RORC: variants seen among roughly 807,000 people sequenced by gnomAD.
RORC encodes the protein nuclear receptor ROR-gamma.
In RORC, 13 loss-of-function variants were observed where a neutral mutation model predicts 64.5. The observed-to-expected ratio is 0.20, with a 90% CI of 0.13 to 0.32. The LOEUF is 0.32. Ranked by LOEUF, RORC falls within the 10% of genes least tolerant of loss-of-function variation. The pLI, the probability that RORC is intolerant of heterozygous loss-of-function variation, is 1.00. For missense variants in RORC, 468 were observed against 669.5 expected (o/e 0.70, Z 3.32); for synonymous variants, 277 against 259.3 (o/e 1.07, Z -0.65).
intron 2 of RORC, among the ~76,000 whole-genome samples, chr1:151,817,634 C>T (rs1057353109): frequency 6.6e-5 from 10 of 152,118 alleles, no homozygotes; most frequent in Non-Finnish European, 1.3e-4. Flanking sequence ...GGACTCCTCA[C>T]GGCCTCACAA....
At chr1:151,826,078 C>G in intron 2 of RORC, 5 of 1,490,122 alleles carry the variant, frequency 3.4e-6, no homozygotes, top group Non-Finnish European at 4.4e-6. Flanking sequence ...CTAGCTCTCT[C>G]CCCCAGTGCT....
At chr1:151,810,816 A>G (rs568418136) in intron 10 of RORC, among the ~76,000 whole-genome samples, 1 of 152,242 alleles carries the variant, frequency 6.6e-6, no homozygotes, top group East Asian at 1.9e-4. Flanking sequence ...TACAGGCGTG[A>G]GCCACTGTGC....
rs1651375490 is a variant in RORC, at chr1:151,807,881, T to C, written c.1396-248A>G. ...AGCCCTCAATTTATGTTCCCAATACTTCTAGAATGAACCTTGTCAAAGACT... is the reference window on the plus strand; with the variant it reads ...AGCCCTCAATTTATGTTCCCAATACCTCTAGAATGAACCTTGTCAAAGACT... On this transcript the variant is annotated intron_variant, in intron 10 of 10. Transcript: ENST00000318247. The surrounding 1 kb of genome is among the most constrained non-coding windows in gnomAD (Gnocchi z 5.0). Among the ~76,000 whole-genome samples the C allele has an allele frequency of 6.6e-6, 1 of 152,208 alleles. No homozygotes were observed. The highest frequency in any genetic ancestry group is 2.1e-4 in the South Asian group (1 of 4,822).
chr1:151,828,240 G>A (rs1286598348), intron 2 of RORC, among the ~76,000 whole-genome samples: 1 of 152,176 alleles, frequency 6.6e-6, no homozygotes, highest in African/African-American at 2.4e-5. Context: ...GAGCTCTCAG[G>A]AGGAACTGGC....
At position 151,816,757 on chromosome 1, in the gene RORC, G is replaced by C. The variant is rs777497402; in HGVS notation, c.205C>G (p.Arg69Gly). 6.3e-7 allele frequency: 1 copy of C among 1,589,246 alleles called. No individual in the cohort carries two copies. The highest frequency in any genetic ancestry group is 1.1e-5 in the South Asian group (1 of 87,536). ...CGGTCGATGGGGCAGTTCTGCTGAC[G>C]GGTGCAGGAGTAGGCCGCGTTACAG... ...QRCNAAYSCT[R>G]QQNCPIDRTS... The change falls in exon 4 of 11, where the codon CGT becomes GGT. Residue 69 changes from arginine to glycine, a missense_variant. Around this residue, in one of 5 missense-constraint regions of RORC, gnomAD observed 241 missense variants for 295.5 expected, o/e 0.82. Transcript: ENST00000318247.
intron 10 of RORC, among the ~76,000 whole-genome samples, chr1:151,810,284 C>G (rs988360943): frequency 6.6e-6 from 1 of 152,100 alleles, no homozygotes; most frequent in Admixed American, 6.6e-5. Flanking sequence ...GCCCCACCCC[C>G]ATGAATGCCT....
chr1:151,817,111 A>G (rs1475010946), intron 3 of RORC, 84 bp downstream of exon 3: 1 of 151,272 alleles, frequency 6.6e-6, no homozygotes, highest in African/African-American at 5.1e-5. Flanking sequence ...CTAAGGAGAC[A>G]CTGTGTGTGT....
intron 4 of RORC, 35 bp downstream of exon 4, chr1:151,816,629 A>C (rs201003278): frequency 6.3e-6 from 10 of 1,580,338 alleles, no homozygotes; most frequent in Non-Finnish European, 7.7e-6. Flanking sequence ...TGGAGACACC[A>C]GGAAAACCCC....
chr1:151,824,421 G>A lies in RORC; in HGVS notation c.70+5008C>T, dbSNP rs115042048. Among the ~76,000 whole-genome samples the A allele has an allele frequency of 5.0e-3, 764 of 152,280 alleles. 6 individuals carry two copies. Among genetic ancestry groups the A allele is most frequent in the African/African-American group, 0.018 (738 of 41,536 alleles). ...AGTCATTTCATCCCAGGGTTGATTT[G>A]CTCATTAGGGGCCATCTCTGGGAAG... On this transcript the variant is annotated intron_variant, in intron 2 of 10. Transcript: ENST00000318247.
intron 2 of RORC, among the ~76,000 whole-genome samples, chr1:151,823,450 A>G (rs951105205): frequency 1.3e-5 from 2 of 152,142 alleles, no homozygotes; most frequent in African/African-American, 2.4e-5. Flanking sequence ...TGACAGCAGC[A>G]GGTCGGATGG....
chr1:151,818,677 G>A (rs891337503), intron 2 of RORC, among the ~76,000 whole-genome samples: 3 of 152,200 alleles, frequency 2.0e-5, no homozygotes, highest in Admixed American at 6.5e-5. Context: ...GCCCTGGGGC[G>A]GGACAGGCCA....
intron 3 of RORC, 145 bp from the exon 4 acceptor site, chr1:151,816,950 G>A: frequency 1.0e-6 from 1 of 977,676 alleles, no homozygotes; most frequent in South Asian, 1.9e-5. Context: ...TTGTGTAATT[G>A]CAATTTATCC....
At chr1:151,829,897 A>C (rs1330803770) in intron 1 of RORC, among the ~76,000 whole-genome samples, 1 of 152,184 alleles carries the variant, frequency 6.6e-6, no homozygotes, top group Non-Finnish European at 1.5e-5. Flanking sequence ...TAACTGCTGT[A>C]ATTGTGTCAT....
At chr1:151,831,650 T>A (rs1652422300) in intron 1 of RORC, 75 bp downstream of exon 1, 1 of 1,607,506 alleles carries the variant, frequency 6.2e-7, no homozygotes, top group Admixed American at 1.7e-5. Context: ...TCTTGCCCAG[T>A]CTCTTGCCAT....
In RORC at chr1:151,815,065, G is replaced by A; in HGVS notation, c.659C>T (p.Thr220Ile). Reference sequence around the variant, plus strand: ...TCGGTCAGGGGTCAGCTGGCTGCCTGTGCTATAGAAGCTCTCTCTGCCCTC... The same window carrying A: ...TCGGTCAGGGGTCAGCTGGCTGCCTATGCTATAGAAGCTCTCTCTGCCCTC... Reference protein sequence around the residue: ...KAEGRESFYSTGSQLTPDRCG... With the variant: ...KAEGRESFYSIGSQLTPDRCG... The change falls in exon 5 of 11, where the codon ACA (threonine) becomes ATA (isoleucine). Residue 220 changes from threonine (T) to isoleucine (I), a missense_variant. Thr to Ile is a moderately conservative substitution (Grantham distance 89). Coordinates refer to ENST00000318247, the MANE Select transcript of RORC (RefSeq NM_005060.4). 1.2e-6 allele frequency: 2 copies of A among 1,614,248 alleles called. No individual in the cohort carries two copies. The highest frequency in any genetic ancestry group is 1.7e-6 in the Non-Finnish European group (2 of 1,180,048).
At chr1:151,816,923 C>A (rs1472083225) in intron 3 of RORC, 118 bp from the exon 4 acceptor site, 3 of 1,104,026 alleles carry the variant, frequency 2.7e-6, no homozygotes, top group Non-Finnish European at 3.7e-6. Flanking sequence ...TGTCAGTTTT[C>A]TCTCTCCTCC....
chr1:151,816,009 G>A (rs1651740184), intron 4 of RORC, among the ~76,000 whole-genome samples: 1 of 151,556 alleles, frequency 6.6e-6, no homozygotes, highest in African/African-American at 2.4e-5. Flanking sequence ...CTGCCCCTTT[G>A]CACCCCTGCG....
At chr1:151,828,300 T>C (rs1016385204) in intron 2 of RORC, among the ~76,000 whole-genome samples, 4 of 152,118 alleles carry the variant, frequency 2.6e-5, no homozygotes, top group Non-Finnish European at 5.9e-5. Flanking sequence ...ACTCCTACCC[T>C]GGAGGGATCC....
chr1:151,807,471 G>C lies in RORC; in HGVS notation c.*1C>G, dbSNP rs1201155095. 1 of 1,613,910 alleles carries C rather than the reference G, an allele frequency of 6.2e-7. No homozygotes were observed. The stretch of plus-strand genomic sequence containing the variant: ...GAGAGGCAAGGAGTCCCTCTTCCAG[G>C]TCACTTGGACAGCCCCACAGGTGAC... On this transcript the variant is annotated 3_prime_UTR_variant, in exon 11 of 11. Coordinates refer to ENST00000318247, the MANE Select transcript of RORC (RefSeq NM_005060.4). The surrounding 1 kb of genome is among the most constrained non-coding windows in gnomAD (Gnocchi z 5.0).
Sources: allele counts gnomAD v4.1 joint callset (sites outside exome capture counted in the v4.1 genomes callset), GRCh38; gene constraint gnomAD v4.1.1; regional missense constraint gnomAD v4.1.1; non-coding constraint Gnocchi (gnomAD v3.1); transcripts MANE v1.5; gene names NCBI Gene and HGNC (gene_info 2026-07-23, HGNC 2026-07-21).